Variants in SHANK1 observed in about 807,000 individuals in gnomAD.
SHANK1 encodes SH3 and multiple ankyrin repeat domains protein 1.
In SHANK1, 35 loss-of-function variants were observed where a neutral mutation model predicts 165.6. The observed-to-expected ratio is 0.21, with a 90% CI of 0.16 to 0.28. The LOEUF (loss-of-function observed/expected upper bound fraction) is 0.28, where lower values mean the gene tolerates loss of function less well. Among genes scored for constraint, SHANK1 ranks in the 10% least tolerant of loss-of-function variants. The pLI is 1.00. For synonymous variants in SHANK1, 1,428 were observed against 1,384.8 expected (o/e 1.03, Z -0.69); for missense variants, 2,681 against 3,036.4 (o/e 0.88, Z 2.75).
chr19:50,674,441 C>T (rs181968902), intron 21 of SHANK1, among the ~76,000 whole-genome samples: 107 of 152,310 alleles, frequency 7.0e-4, no homozygotes, highest in Middle Eastern at 3.4e-3. Flanking sequence ...CACTATACCC[C>T]CTCCTGCCTC....
intron 21 of SHANK1, among the ~76,000 whole-genome samples, chr19:50,675,047 G>C (rs1985930277): frequency 7.6e-6 from 1 of 132,258 alleles, no homozygotes; most frequent in South Asian, 2.4e-4. Flanking sequence ...GGGTGATAGA[G>C]CAACACTCGG....
intron 15 of SHANK1, among the ~76,000 whole-genome samples, chr19:50,694,924 C>A (rs1986682451): frequency 6.6e-6 from 1 of 150,452 alleles, no homozygotes; most frequent in Admixed American, 6.6e-5. Flanking sequence ...CCAGACGCTG[C>A]GCCGCCGGGG....
At position 50,702,579 on chromosome 19, in the gene SHANK1, C is replaced by T. The variant is rs1402007466; in HGVS notation, c.1635G>A (p.Gly545=). Residue 545 remains glycine (G), a synonymous_variant, in exon 12 of 24, where the codon GGG becomes GGA. Transcript: ENST00000293441. This position sits in a 1 kb window ranked among gnomAD's most constrained non-coding sequence, Gnocchi z 5.3. ...GGPGGSLGSR[G]RRRKLYSAVP... ...CCGCTGAGTAGAGCTTCCTCCGCCT[C>T]CCGCGGCTGCCCAGGGAGCCCCCGG... 5 of 1,609,102 alleles carry T rather than the reference C, an allele frequency of 3.1e-6. No individual in the cohort carries two copies. Among genetic ancestry groups the T allele is most frequent in the Non-Finnish European group, 4.2e-6 (5 of 1,178,186 alleles).
At position 50,697,201 on chromosome 19, in the gene SHANK1, C is replaced by T; in HGVS notation, c.1938-79G>A. The T allele has an allele frequency of 1.2e-6, 2 of 1,607,272 alleles. No homozygotes were observed. The highest frequency in any genetic ancestry group is 1.7e-6 in the Non-Finnish European group (2 of 1,174,236). ...ATCTCCTCACCCCAATCCCACCCAG[C>T]CCTGACTGCACCCTCCCCACACCGG... is the stretch of plus-strand genomic sequence containing the variant. On this transcript the variant is annotated intron_variant, in intron 14 of 23. Transcript: ENST00000293441. The surrounding 1 kb of genome is among the most constrained non-coding windows in gnomAD (Gnocchi z 4.7).
intron 21 of SHANK1, among the ~76,000 whole-genome samples, chr19:50,684,309 C>G (rs1054657785): frequency 2.0e-5 from 3 of 152,020 alleles, no homozygotes; most frequent in African/African-American, 7.3e-5. Context: ...TACTGCAACC[C>G]CCGCCTCGCG....
chr19:50,697,733 G>A lies in SHANK1; in HGVS notation c.1862-69C>T, dbSNP rs998761044. Reference sequence around the variant, plus strand: ...CCACAATCCCAGCCCTAGAGCTCCTGGCCCAAGTCTTCCCATCTACCTCCC... The same window carrying A: ...CCACAATCCCAGCCCTAGAGCTCCTAGCCCAAGTCTTCCCATCTACCTCCC... On this transcript the variant is annotated intron_variant, in intron 13 of 23. Coordinates refer to ENST00000293441, the MANE Select transcript of SHANK1 (RefSeq NM_016148.5). This position sits in a 1 kb window ranked among gnomAD's most constrained non-coding sequence, Gnocchi z 4.7. 4 of 1,558,036 alleles carry A rather than the reference G, an allele frequency of 2.6e-6. No individual in the cohort carries two copies. Among genetic ancestry groups the A allele is most frequent in the Non-Finnish European group, 3.5e-6 (4 of 1,129,996 alleles).
Position 50,667,014 on chromosome 19 carries a change from C to G in SHANK1, c.4946G>C (p.Gly1649Ala). The G allele has an allele frequency of 6.4e-7, 1 of 1,555,936 alleles. No individual in the cohort carries two copies. Among genetic ancestry groups the G allele is most frequent in the Non-Finnish European group, 8.7e-7 (1 of 1,153,624 alleles). Residue 1649 changes from glycine (G) to alanine (A), a missense_variant, in exon 23 of 24, where the codon GGC becomes GCC. Transcript: ENST00000293441. This position sits in a 1 kb window ranked among gnomAD's most constrained non-coding sequence, Gnocchi z 5.7. Reference protein sequence around the residue: ...SAAPGDPHPPGPPAPAAPAPA... With the variant: ...SAAPGDPHPPAPPAPAAPAPA... Reference sequence around the variant, plus strand: ...AGCCGGTGCTGCTGGGGCAGGCGGGCCTGGTGGATGGGGGTCCCCAGGAGC... The same window carrying G: ...AGCCGGTGCTGCTGGGGCAGGCGGGGCTGGTGGATGGGGGTCCCCAGGAGC...
In SHANK1 at chr19:50,666,877, A is replaced by G; in HGVS notation, c.5083T>C (p.Ser1695Pro). ...DHPLETISSA[S>P]TLSSLSAEGG... ...TCGGCAGATAGGCTGCTCAGCGTGG[A>G]GGCGCTGCTGATGGTCTCCAGTGGG... Residue 1695 changes from serine to proline, a missense_variant, in exon 23 of 24, where the codon TCC becomes CCC. By Grantham distance (74) the Ser-to-Pro change is moderately conservative. Coordinates refer to ENST00000293441, the MANE Select transcript of SHANK1 (RefSeq NM_016148.5). 2.5e-6 allele frequency: 4 copies of G among 1,581,942 alleles called. No individual in the cohort carries two copies. Among genetic ancestry groups the G allele is most frequent in the Non-Finnish European group, 3.4e-6 (4 of 1,165,810 alleles).
At chr19:50,706,406 T>A (rs554102503) in intron 8 of SHANK1, among the ~76,000 whole-genome samples, 1 of 152,064 alleles carries the variant, frequency 6.6e-6, no homozygotes, top group African/African-American at 2.4e-5. Context: ...CCATCATCAC[T>A]TTTTGGGCTA....
At position 50,686,666 on chromosome 19, in the gene SHANK1, GT is replaced by G; in HGVS notation, c.2458+77del. 1 of 1,379,020 alleles carries G rather than the reference GT, an allele frequency of 7.3e-7. No homozygotes were observed. The highest frequency in any genetic ancestry group is 1.2e-5 in the South Asian group (1 of 84,664). 85.4% of individuals were successfully genotyped at this position (1,379,020 alleles called of 1,614,324 possible). On this transcript the variant is annotated intron_variant, in intron 20 of 23. Coordinates refer to ENST00000293441, the MANE Select transcript of SHANK1 (RefSeq NM_016148.5). The surrounding 1 kb of genome is among the most constrained non-coding windows in gnomAD (Gnocchi z 5.7). ...GCAGGAAGGTGAGGGGCGCCGTGGG[GT>G]TCATGGTGGGACAGGGATGCAGCGG... is the stretch of plus-strand genomic sequence containing the variant.
At position 50,719,707 on chromosome 19, in the gene SHANK1, C is replaced by T. The variant is rs916257363; in HGVS notation, c.-345G>A. ...CCGGCTCCGGGCGCCGCGTCTCCGC[C>T]TGCTCTTCCTCCTCCTCTTCCTCGG... On this transcript the variant is annotated 5_prime_UTR_variant, in exon 1 of 24. Transcript: ENST00000293441. Among the ~76,000 whole-genome samples the T allele has an allele frequency of 6.6e-6, 1 of 150,438 alleles. No individual in the cohort carries two copies. The highest frequency in any genetic ancestry group is 2.4e-5 in the African/African-American group (1 of 41,162).
chr19:50,691,644 G>T (rs978704968), intron 15 of SHANK1, among the ~76,000 whole-genome samples: 1 of 152,160 alleles, frequency 6.6e-6, no homozygotes, highest in African/African-American at 2.4e-5. Context: ...AGCCTCTGGG[G>T]CAGGGATAAG....
chr19:50,663,060 A>C (rs1985334306), intron 23 of SHANK1: 1 of 291,410 alleles, frequency 3.4e-6, no homozygotes, highest in African/African-American at 2.2e-5. Flanking sequence ...GATGCAGGTT[A>C]CTATTATTAT....
At position 50,666,567 on chromosome 19, in the gene SHANK1, A is replaced by T; in HGVS notation, c.5393T>A (p.Leu1798Gln). The T allele has an allele frequency of 6.2e-7, 1 of 1,600,110 alleles. No homozygotes were observed. The highest frequency in any genetic ancestry group is 1.3e-5 in the African/African-American group (1 of 74,968). ...SVTGAGTDGLLALRACSGPPT... is the reference protein window; with the variant it reads ...SVTGAGTDGLQALRACSGPPT... ...GGGTCCTGAACAAGCACGCAGGGCC[A>T]GCAGCCCATCGGTTCCAGCCCCTGT... Residue 1798 changes from leucine to glutamine, a missense_variant, in exon 23 of 24, where the codon CTG (leucine) becomes CAG (glutamine). By Grantham distance (113) the Leu-to-Gln change is moderately radical. Transcript: ENST00000293441.
intron 15 of SHANK1, among the ~76,000 whole-genome samples, chr19:50,695,170 C>A (rs900067160): frequency 1.4e-5 from 2 of 145,976 alleles, no homozygotes; most frequent in African/African-American, 4.9e-5. Context: ...CTCATGCTGA[C>A]CCGCGCCGGG....
At chr19:50,693,347 A>G (rs1986604382) in intron 15 of SHANK1, among the ~76,000 whole-genome samples, 1 of 123,330 alleles carries the variant, frequency 8.1e-6, no homozygotes, top group Non-Finnish European at 1.7e-5. Flanking sequence ...TCAACCCTGC[A>G]CCTCCTACCC....
At chr19:50,703,265 G>T (rs527534649) in intron 11 of SHANK1, among the ~76,000 whole-genome samples, 1 of 152,254 alleles carries the variant, frequency 6.6e-6, no homozygotes, top group South Asian at 2.1e-4. Flanking sequence ...GTTTCTTTGG[G>T]GTACCCTCTG....
chr19:50,712,366 A>C (rs2089019471), intron 6 of SHANK1, among the ~76,000 whole-genome samples: 1 of 151,956 alleles, frequency 6.6e-6, no homozygotes. Context: ...CTGACATCCC[A>C]CCCAGCCTTC....
At chr19:50,705,983 C>T (rs2088934428) in intron 8 of SHANK1, among the ~76,000 whole-genome samples, 1 of 152,078 alleles carries the variant, frequency 6.6e-6, no homozygotes, top group Non-Finnish European at 1.5e-5. Context: ...ATGGCGAAAC[C>T]CCGTCTGTAC....
Sources: gnomAD v4.1 joint callset for allele counts (sites outside exome capture counted in the v4.1 genomes callset) on GRCh38, gnomAD v4.1.1 for gene constraint, Gnocchi (gnomAD v3.1) non-coding constraint, MANE v1.5 for transcripts, NCBI Gene and HGNC (gene_info 2026-07-23, HGNC 2026-07-21) for gene names.